The following ZNF804B variants were observed in gnomAD, a reference collection of about 807,000 sequenced individuals.
ZNF804B encodes the protein zinc finger 804B.
In ZNF804B, 80 loss-of-function variants were observed where a neutral mutation model predicts 101.4. That is an observed-to-expected ratio of 0.79 (90% CI 0.66 to 0.95). The LOEUF (loss-of-function observed/expected upper bound fraction) is 0.95, where lower values mean the gene tolerates loss of function less well. ZNF804B is among the 40% of genes least tolerant of loss of function. ZNF804B has a pLI of 0.00. For missense variants in ZNF804B, 1,673 were observed against 1,561.9 expected (o/e 1.07, Z -1.20); for synonymous variants, 622 against 558.8 (o/e 1.11, Z -1.59).
At chr7:89,092,396 C>A (rs1481915757) in intron 1 of ZNF804B, among the ~76,000 whole-genome samples, 1 of 122,154 alleles carries the variant, frequency 8.2e-6, no homozygotes, top group East Asian at 2.6e-4. Flanking sequence ...ACATTGATTT[C>A]TTTTCTTTTC....
intron 2 of ZNF804B, among the ~76,000 whole-genome samples, chr7:89,323,140 C>T (rs1464970283): frequency 2.6e-5 from 4 of 152,198 alleles, no homozygotes; most frequent in Admixed American, 1.3e-4. Context: ...AAAAGATGTC[C>T]ATCTGCAAAC....
intron 1 of ZNF804B, among the ~76,000 whole-genome samples, chr7:89,008,371 G>T (rs911569936): frequency 1.4e-4 from 21 of 152,142 alleles, no homozygotes; most frequent in Non-Finnish European, 1.2e-4. Flanking sequence ...CAGTATGCTC[G>T]CCATTTCACT....
At chr7:89,282,093 T>C (rs201722339) in intron 2 of ZNF804B, among the ~76,000 whole-genome samples, 1 of 150,136 alleles carries the variant, frequency 6.7e-6, no homozygotes, top group Non-Finnish European at 1.5e-5. Context: ...CCCAGCTACT[T>C]GGGAGGCTGA....
rs34267852 is a variant in ZNF804B, at chr7:88,868,048, A to AGTGT, written c.108+107999_108+108002dup. ...CATAATTCTACTGTGTGTGTGTGTG[A>AGTGT]GTGTGTGTGTGTGTGTGTGTGTGTG... On this transcript the variant is annotated intron_variant, in intron 1 of 3. Coordinates refer to ENST00000333190, the MANE Select transcript of ZNF804B (RefSeq NM_181646.5). Among the ~76,000 whole-genome samples, 939 of 142,744 alleles carry AGTGT rather than the reference A, an allele frequency of 6.6e-3. 4 individuals are homozygous for AGTGT. The highest frequency in any genetic ancestry group is 0.014 in the Middle Eastern group (4 of 282). 93.6% of individuals were successfully genotyped at this position (142,744 alleles called of 152,430 possible).
intron 1 of ZNF804B, among the ~76,000 whole-genome samples, chr7:89,161,351 T>C (rs1273585049): frequency 6.6e-6 from 1 of 151,960 alleles, no homozygotes; most frequent in Non-Finnish European, 1.5e-5. Context: ...GAACATTACC[T>C]ATGTTACATG....
intron 1 of ZNF804B, among the ~76,000 whole-genome samples, chr7:88,860,513 A>G (rs1177209908): frequency 2.0e-5 from 3 of 152,136 alleles, no homozygotes; most frequent in Non-Finnish European, 2.9e-5. Flanking sequence ...TCATATTCAC[A>G]AATAAATAAT....
At chr7:89,074,893 T>G (rs1054222418) in intron 1 of ZNF804B, among the ~76,000 whole-genome samples, 1 of 152,182 alleles carries the variant, frequency 6.6e-6, no homozygotes, top group Non-Finnish European at 1.5e-5. Flanking sequence ...AGGAACTTGT[T>G]GGGAACTGGA....
Position 89,220,006 on chromosome 7 carries a change from CATATATGTGTGTAT to C in ZNF804B, c.249+1713_249+1726del, listed in dbSNP as rs1562920219. Among the ~76,000 whole-genome samples the C allele has an allele frequency of 3.4e-3, 446 of 132,038 alleles. 138 individuals carry two copies. The highest frequency in any genetic ancestry group is 0.012 in the African/African-American group (411 of 33,140). 86.6% of individuals were successfully genotyped at this position (132,038 alleles called of 152,430 possible). ...ATATGTGTGCATATATGTATATGCACATATATGTGTGTATACATATATATACGCACATATATGTG... is the reference window on the plus strand; with the variant it reads ...ATATGTGTGCATATATGTATATGCACACATATATATACGCACATATATGTG... On this transcript the variant is annotated intron_variant, in intron 2 of 3. Transcript: ENST00000333190.
chr7:88,853,949 TTAGATTTAGCACA>T (rs1306393896), intron 1 of ZNF804B, among the ~76,000 whole-genome samples: 1 of 152,128 alleles, frequency 6.6e-6, no homozygotes, highest in African/African-American at 2.4e-5. Flanking sequence ...GCTGTTAAAA[TTAGATTTAGCACA>T]TTGTTTAAAA....
At chr7:89,131,334 G>T (rs188592450) in intron 1 of ZNF804B, among the ~76,000 whole-genome samples, 1 of 152,062 alleles carries the variant, frequency 6.6e-6, no homozygotes, top group Admixed American at 6.6e-5. Context: ...CTGCCAAAGT[G>T]GTATAAACAT....
At chr7:89,077,351 AT>A (rs990322051) in intron 1 of ZNF804B, among the ~76,000 whole-genome samples, 1 of 151,044 alleles carries the variant, frequency 6.6e-6, no homozygotes, top group African/African-American at 2.4e-5. Context: ...GAAGGTTGAC[AT>A]TTTTTTTTCA....
rs575470132 is a variant in ZNF804B, at chr7:89,199,526, A to C, written c.109-18629A>C. Among the ~76,000 whole-genome samples the C allele has an allele frequency of 9.2e-5, 14 of 152,042 alleles. No homozygotes were observed. The South Asian group carries it at 2.9e-3, about 32-fold the overall frequency. On this transcript the variant is annotated intron_variant, in intron 1 of 3. Transcript: ENST00000333190. ...AGTATTTACTTGAATTGTTTCTATAATCAATATATTGGCCTGATGTGTTAG... is the reference window on the plus strand; with the variant it reads ...AGTATTTACTTGAATTGTTTCTATACTCAATATATTGGCCTGATGTGTTAG...
chr7:89,210,647 C>T (rs1215486941), intron 1 of ZNF804B, among the ~76,000 whole-genome samples: 1 of 152,170 alleles, frequency 6.6e-6, no homozygotes, highest in African/African-American at 2.4e-5. Flanking sequence ...GCTTCCACTC[C>T]ATCCATGTCC....
At chr7:89,163,350 A>AT (rs1455928364) in intron 1 of ZNF804B, among the ~76,000 whole-genome samples, 1 of 152,094 alleles carries the variant, frequency 6.6e-6, no homozygotes, top group Non-Finnish European at 1.5e-5. Context: ...TGTTTGTTGA[A>AT]TGTCACTTTT....
intron 2 of ZNF804B, among the ~76,000 whole-genome samples, chr7:89,227,629 A>G (rs920966925): frequency 6.6e-5 from 10 of 152,228 alleles, no homozygotes; most frequent in African/African-American, 2.2e-4. Flanking sequence ...GGGTTTTAGT[A>G]AAGACCTTAA....
chr7:89,101,862 T>A (rs1790060630), intron 1 of ZNF804B, among the ~76,000 whole-genome samples: 1 of 151,894 alleles, frequency 6.6e-6, no homozygotes, highest in Non-Finnish European at 1.5e-5. Flanking sequence ...TCCCCCTTCC[T>A]TTTTCCCTCC....
chr7:89,275,696 T>G (rs558591684), intron 2 of ZNF804B, among the ~76,000 whole-genome samples: 1 of 152,146 alleles, frequency 6.6e-6, no homozygotes, highest in African/African-American at 2.4e-5. Context: ...CCATTTCACA[T>G]TTCTCATTTC....
At chr7:89,232,235 T>C (rs1269894333) in intron 2 of ZNF804B, among the ~76,000 whole-genome samples, 4 of 152,164 alleles carry the variant, frequency 2.6e-5, no homozygotes, top group African/African-American at 9.7e-5. Flanking sequence ...AGATATTAAT[T>C]GAATTTTTGG....
intron 1 of ZNF804B, 89 bp from the exon 2 acceptor site, chr7:89,218,066 T>C: frequency 7.5e-7 from 1 of 1,339,040 alleles, no homozygotes; most frequent in Non-Finnish European, 1.0e-6. Context: ...GTCATATTTC[T>C]TTAAGTTAAA....
Sources: allele counts gnomAD v4.1 joint callset (sites outside exome capture counted in the v4.1 genomes callset), GRCh38; gene constraint gnomAD v4.1.1; transcripts MANE v1.5; gene names NCBI Gene and HGNC (gene_info 2026-07-23, HGNC 2026-07-21).